The following CPLX1 variants were observed in gnomAD, a reference collection of about 807,000 sequenced individuals.
The protein encoded by CPLX1 is complexin 1, also known as complexin-1.
A neutral mutation model predicts 15.6 loss-of-function variants in CPLX1; 6 were observed. The ratio of observed to expected loss-of-function variants is 0.39; its 90% CI spans 0.21 to 0.76. CPLX1 has a LOEUF of 0.76. CPLX1 is among the 30% of genes least tolerant of loss of function. CPLX1 has a pLI of 0.43. For missense variants in CPLX1, 242 were observed against 188.6 expected (o/e 1.28, Z -1.66); for synonymous variants, 91 against 75.2 (o/e 1.21, Z -1.08).
intron 2 of CPLX1, among the ~76,000 whole-genome samples, chr4:800,603 T>C (rs1465901014): frequency 7.0e-6 from 1 of 143,694 alleles, no homozygotes; most frequent in Non-Finnish European, 1.5e-5. Flanking sequence ...TATATATATA[T>C]TAGCCAGACA....
chr4:815,284 G>T (rs556355534), intron 2 of CPLX1, among the ~76,000 whole-genome samples: 1 of 151,928 alleles, frequency 6.6e-6, no homozygotes, highest in East Asian at 1.9e-4. Flanking sequence ...GGTGGCAGGT[G>T]CCTGTAATCC....
At chr4:820,098 C>T (rs891944270) in intron 2 of CPLX1, among the ~76,000 whole-genome samples, 1 of 152,122 alleles carries the variant, frequency 6.6e-6, no homozygotes, top group African/African-American at 2.4e-5. Context: ...GCCCAGCCTG[C>T]AGCTCCACCG....
intron 2 of CPLX1, among the ~76,000 whole-genome samples, chr4:805,197 C>T (rs1341541310): frequency 6.6e-6 from 1 of 152,226 alleles, no homozygotes; most frequent in Non-Finnish European, 1.5e-5. Context: ...AAACGCGCCG[C>T]AGAGCCCATG....
intron 3 of CPLX1, chr4:787,036 G>GC: frequency 1.0e-6 from 1 of 985,420 alleles, no homozygotes; most frequent in Non-Finnish European, 1.2e-6. Flanking sequence ...GAAGCCTCCG[G>GC]CCCGGGGCAG....
chr4:792,728 C>A, intron 2 of CPLX1, 120 bp from the exon 3 acceptor site: 1 of 1,093,014 alleles, frequency 9.1e-7, no homozygotes, highest in East Asian at 2.7e-5. Flanking sequence ...ACTCGACCCT[C>A]TGGCTGCCCC....
At position 788,110 on chromosome 4, in the gene CPLX1, G is replaced by GCA. The variant is rs1746057489; in HGVS notation, c.208-1413_208-1412insTG. On this transcript the variant is annotated intron_variant, in intron 3 of 3. Coordinates refer to ENST00000304062, the MANE Select transcript of CPLX1 (RefSeq NM_006651.4). ...CGCGGGATCACCAGCCACAGGGAGGGGCCTTTCTGCCCAGGAGGAGCCCCT... is the reference window on the plus strand; with the variant it reads ...CGCGGGATCACCAGCCACAGGGAGGGCAGCCTTTCTGCCCAGGAGGAGCCCCT... The GCA allele has an allele frequency of 5.1e-6, 5 of 985,262 alleles. No individual in the cohort carries two copies. In the Admixed American group the frequency reaches 3.1e-4, roughly 61 times the overall value. 61.0% of individuals were successfully genotyped at this position (985,262 alleles called of 1,614,324 possible). A position where few individuals can be genotyped will look rare whatever the true frequency, so the allele number is the denominator to read the frequency against.
intron 2 of CPLX1, among the ~76,000 whole-genome samples, chr4:821,526 C>T (rs1560247916): frequency 6.6e-6 from 1 of 152,222 alleles, no homozygotes. Flanking sequence ...CCACATTTAG[C>T]CCCATGAGGG....
chr4:791,697 CGGCCTGCTG>C (rs935630538), intron 3 of CPLX1, among the ~76,000 whole-genome samples: 6 of 152,326 alleles, frequency 3.9e-5, no homozygotes, highest in African/African-American at 1.4e-4. Context: ...ACACAGCTTC[CGGCCTGCTG>C]GGCCTGCTGC....
chr4:789,828 C>T (rs1244574224), intron 3 of CPLX1, among the ~76,000 whole-genome samples: 4 of 152,238 alleles, frequency 2.6e-5, no homozygotes, highest in Non-Finnish European at 2.9e-5. Flanking sequence ...TCTAACCAAC[C>T]CCCAAGATGC....
chr4:787,253 C>T (rs917191216), intron 3 of CPLX1: 2 of 985,348 alleles, frequency 2.0e-6, no homozygotes, highest in Non-Finnish European at 2.4e-6. Flanking sequence ...TCCTGGGCTG[C>T]GGTCACTTCC....
intron 3 of CPLX1, among the ~76,000 whole-genome samples, chr4:790,431 A>T (rs944839616): frequency 6.6e-6 from 1 of 152,096 alleles, no homozygotes; most frequent in African/African-American, 2.4e-5. Flanking sequence ...GAAGCTGAGG[A>T]GGTGCTTACG....
chr4:814,930 G>A (rs1017301349), intron 2 of CPLX1, among the ~76,000 whole-genome samples: 5 of 152,248 alleles, frequency 3.3e-5, no homozygotes, highest in Non-Finnish European at 7.3e-5. Context: ...TCCCATTAGG[G>A]CAAGACTGCC....
At chr4:802,502 G>C (rs1746477523) in intron 2 of CPLX1, among the ~76,000 whole-genome samples, 1 of 152,174 alleles carries the variant, frequency 6.6e-6, no homozygotes, top group Non-Finnish European at 1.5e-5. Context: ...TTAAAAGCTA[G>C]AGATATTACA....
chr4:803,790 C>T (rs1486296841), intron 2 of CPLX1, among the ~76,000 whole-genome samples: 1 of 152,188 alleles, frequency 6.6e-6, no homozygotes, highest in Non-Finnish European at 1.5e-5. Flanking sequence ...GTGCCTCAGC[C>T]TCTCAAGTAG....
chr4:792,499 C>T lies in CPLX1; in HGVS notation c.141G>A (p.Glu47=). 6 of 1,613,118 alleles carry T rather than the reference C, an allele frequency of 3.7e-6. No homozygotes were observed. Among genetic ancestry groups the T allele is most frequent in the Non-Finnish European group, 5.1e-6 (6 of 1,179,722 alleles). ...CCATCTTGGCGTACTTGGCCTTGCG[C>T]TCCTCCTCCGCCTGGCGCAGCGCCT... ...RQEALRQAEE[E]RKAKYAKMEA... The change falls in exon 3 of 4, where the codon GAG becomes GAA. Residue 47 remains glutamate (E), a synonymous_variant. Coordinates refer to ENST00000304062, the MANE Select transcript of CPLX1 (RefSeq NM_006651.4).
At chr4:790,854 C>T (rs1291348813) in intron 3 of CPLX1, among the ~76,000 whole-genome samples, 3 of 152,060 alleles carry the variant, frequency 2.0e-5, no homozygotes, top group African/African-American at 7.3e-5. Context: ...CCCTGTGTCT[C>T]GGCCTTGATT....
At position 785,760 on chromosome 4, in the gene CPLX1, CCAGGGAGAAG is replaced by C. The variant is rs1157492420; in HGVS notation, c.*731_*740del. 2 of 152,414 alleles carry C rather than the reference CCAGGGAGAAG, an allele frequency of 1.3e-5. No individual in the cohort carries two copies. The highest frequency in any genetic ancestry group is 4.8e-5 in the African/African-American group (2 of 41,454). The allele number at this position is 152,414 out of a possible 1,614,324, so 9.4% of individuals were successfully genotyped here. A position where few individuals can be genotyped will look rare whatever the true frequency, so the allele number is the denominator to read the frequency against. On this transcript the variant is annotated 3_prime_UTR_variant, in exon 4 of 4. Coordinates refer to ENST00000304062, the MANE Select transcript of CPLX1 (RefSeq NM_006651.4). The stretch of plus-strand genomic sequence containing the variant: ...CAATGGCCGAGGGCAGGGGTCCTCC[CCAGGGAGAAG>C]CAGCAGCCGCGTGGGCGGAGAGGCT...
At chr4:788,554 G>C (rs1706026031) in intron 3 of CPLX1, 2 of 985,498 alleles carry the variant, frequency 2.0e-6, no homozygotes, top group South Asian at 9.4e-5. Context: ...CGCACAACAG[G>C]GGCGACACCC....
At chr4:810,047 CTTTTT>C (rs34354609) in intron 2 of CPLX1, among the ~76,000 whole-genome samples, 1 of 120,328 alleles carries the variant, frequency 8.3e-6, no homozygotes, top group African/African-American at 3.3e-5. Flanking sequence ...TCTGCACTTT[CTTTTT>C]TTTTTTTTTT....
Sources: gnomAD v4.1 joint callset for allele counts (sites outside exome capture counted in the v4.1 genomes callset) on GRCh38, gnomAD v4.1.1 for gene constraint, MANE v1.5 for transcripts, NCBI Gene and HGNC (gene_info 2026-07-23, HGNC 2026-07-21) for gene names.